The following NCAM2 variants were observed in gnomAD, a reference collection of about 807,000 sequenced individuals.
NCAM2 encodes the protein N-CAM-2.
In NCAM2, 30 loss-of-function variants were observed where a neutral mutation model predicts 98.1. The observed-to-expected ratio is 0.31, with a 90% confidence interval of 0.23 to 0.41. The LOEUF (loss-of-function observed/expected upper bound fraction) is 0.41, where lower values mean the gene tolerates loss of function less well. NCAM2 is among the 10% of genes least tolerant of loss of function. NCAM2 has a pLI of 1.00. For synonymous variants in NCAM2, 368 were observed against 342.4 expected (o/e 1.07, Z -0.83); for missense variants, 867 against 1,005.8 (o/e 0.86, Z 1.87).
intron 1 of NCAM2, among the ~76,000 whole-genome samples, chr21:21,021,668 T>G (rs1467568571): frequency 6.6e-6 from 1 of 152,190 alleles, no homozygotes; most frequent in African/African-American, 2.4e-5. Flanking sequence ...ATCTATTCAT[T>G]TATCCCAATT....
rs948874356 is a variant in NCAM2 at position 21,106,893 on chromosome 21, A to G, written c.55+108275A>G. On this transcript the variant is annotated intron_variant, in intron 1 of 17. Transcript: ENST00000400546. ...TGAGTCAATCTTTGAAAAACAGTTTAGTTGTATAAAAACTATTTCTCAAAA... is the reference window on the plus strand; with the variant it reads ...TGAGTCAATCTTTGAAAAACAGTTTGGTTGTATAAAAACTATTTCTCAAAA... 7.2e-5 allele frequency among the ~76,000 whole-genome samples: 11 copies of G among 152,270 alleles called. No individual in the cohort carries two copies. In the South Asian group the frequency reaches 1.5e-3, roughly 20 times the overall value.
chr21:21,167,211 T>C (rs1469870952), intron 1 of NCAM2, among the ~76,000 whole-genome samples: 1 of 149,666 alleles, frequency 6.7e-6, no homozygotes, highest in Non-Finnish European at 1.5e-5. Flanking sequence ...CTGCCAGTTT[T>C]CTCTCTCTCT....
intron 5 of NCAM2, among the ~76,000 whole-genome samples, chr21:21,319,196 A>C (rs2074303630): frequency 6.6e-6 from 1 of 152,210 alleles, no homozygotes; most frequent in Non-Finnish European, 1.5e-5. Flanking sequence ...TTTTCAACCA[A>C]TTTGGATGGA....
intron 1 of NCAM2, among the ~76,000 whole-genome samples, chr21:21,241,067 C>A (rs1291031802): frequency 6.6e-6 from 1 of 152,048 alleles, no homozygotes; most frequent in East Asian, 1.9e-4. Flanking sequence ...CTATATATGG[C>A]ATCTGAATGT....
At chr21:21,250,723 A>G (rs1394935480) in intron 1 of NCAM2, among the ~76,000 whole-genome samples, 2 of 152,222 alleles carry the variant, frequency 1.3e-5, no homozygotes, top group African/African-American at 4.8e-5. Context: ...ACAGATTTCC[A>G]TTTTGTAATC....
intron 1 of NCAM2, among the ~76,000 whole-genome samples, chr21:21,096,233 A>G (rs1238222989): frequency 6.6e-6 from 1 of 151,596 alleles, no homozygotes; most frequent in African/African-American, 2.4e-5. Context: ...TAAATGCTAT[A>G]TATATATTTT....
At chr21:21,301,285 G>A (rs1374000542) in intron 5 of NCAM2, among the ~76,000 whole-genome samples, 2 of 151,720 alleles carry the variant, frequency 1.3e-5, no homozygotes, top group Non-Finnish European at 2.9e-5. Context: ...TTGTTTCTGG[G>A]GACTCAGCCA....
rs901829499 is a variant in NCAM2, at chr21:21,112,951, G to A, written c.55+114333G>A. 2.0e-5 allele frequency among the ~76,000 whole-genome samples: 3 copies of A among 152,152 alleles called. No individual in the cohort carries two copies. The East Asian group carries it at 5.8e-4, about 29-fold the overall frequency. Reference sequence around the variant, plus strand: ...TGCTCTCCTGCACGTGATGCTGAACGTGGGGTGCATGTGTTGCTTTTCTGA... The same window carrying A: ...TGCTCTCCTGCACGTGATGCTGAACATGGGGTGCATGTGTTGCTTTTCTGA... On this transcript the variant is annotated intron_variant, in intron 1 of 17. Coordinates refer to ENST00000400546, the MANE Select transcript of NCAM2 (RefSeq NM_004540.5).
intron 14 of NCAM2, among the ~76,000 whole-genome samples, chr21:21,476,406 C>G (rs1329356828): frequency 2.0e-5 from 3 of 151,840 alleles, no homozygotes; most frequent in African/African-American, 4.8e-5. Context: ...CATTGCTTTT[C>G]CAAAAACCTG....
At chr21:21,323,068 C>G (rs184570262) in intron 5 of NCAM2, among the ~76,000 whole-genome samples, 174 of 152,176 alleles carry the variant, frequency 1.1e-3, no homozygotes, top group African/African-American at 4.1e-3. Context: ...AATGAAAAAC[C>G]TTTACTGTAA....
At chr21:21,021,363 G>T (rs529892153) in intron 1 of NCAM2, among the ~76,000 whole-genome samples, 32 of 152,298 alleles carry the variant, frequency 2.1e-4, no homozygotes, top group Non-Finnish European at 3.5e-4. Flanking sequence ...CAAAGTTGAT[G>T]ATGACTTTTT....
chr21:21,079,326 C>T (rs1341747340), intron 1 of NCAM2, among the ~76,000 whole-genome samples: 2 of 152,050 alleles, frequency 1.3e-5, no homozygotes, highest in African/African-American at 4.8e-5. Flanking sequence ...TTCATTCATT[C>T]AATAAACTTT....
chr21:21,037,010 G>T (rs563396176), intron 1 of NCAM2, among the ~76,000 whole-genome samples: 1 of 152,216 alleles, frequency 6.6e-6, no homozygotes, highest in South Asian at 2.1e-4. Flanking sequence ...AATAGCAATA[G>T]ATGTCAAGTA....
intron 1 of NCAM2, among the ~76,000 whole-genome samples, chr21:21,151,029 C>G (rs1450571585): frequency 6.6e-6 from 1 of 151,072 alleles, no homozygotes; most frequent in Non-Finnish European, 1.5e-5. Flanking sequence ...ATTCTTGTGT[C>G]AGTTTTGGTG....
chr21:21,356,253 T>C (rs2075476363), intron 8 of NCAM2, among the ~76,000 whole-genome samples: 1 of 152,172 alleles, frequency 6.6e-6, no homozygotes, highest in Non-Finnish European at 1.5e-5. Context: ...ATTATTATAT[T>C]ATTGTTTTAT....
At chr21:21,312,225 T>C (rs1481838598) in intron 5 of NCAM2, among the ~76,000 whole-genome samples, 2 of 152,052 alleles carry the variant, frequency 1.3e-5, no homozygotes, top group Non-Finnish European at 2.9e-5. Context: ...TGAGGAATTT[T>C]GTTGTTTTTT....
chr21:21,477,559 T>C (rs1985327522), intron 15 of NCAM2, 88 bp downstream of exon 15: 1 of 1,025,892 alleles, frequency 9.7e-7, no homozygotes, highest in Non-Finnish European at 1.3e-6. Context: ...TATTAATAAT[T>C]AAAACAAACT....
At chr21:21,350,479 A>G (rs1168798032) in intron 8 of NCAM2, among the ~76,000 whole-genome samples, 1 of 152,084 alleles carries the variant, frequency 6.6e-6, no homozygotes, top group Non-Finnish European at 1.5e-5. Context: ...TGGGAAAAAA[A>G]TTATGCCTTT....
chr21:21,268,667 A>G (rs1034200241), intron 1 of NCAM2, among the ~76,000 whole-genome samples: 8 of 152,268 alleles, frequency 5.3e-5, no homozygotes, highest in East Asian at 3.9e-4. Flanking sequence ...TGATATCCCC[A>G]TAATTCTTAT....
Sources: allele counts gnomAD v4.1 joint callset (sites outside exome capture counted in the v4.1 genomes callset), GRCh38; gene constraint gnomAD v4.1.1; transcripts MANE v1.5; gene names NCBI Gene and HGNC (gene_info 2026-07-23, HGNC 2026-07-21).